The following NTRK3 variants were observed in gnomAD, a reference collection of about 807,000 sequenced individuals.
NTRK3 encodes neurotrophic receptor tyrosine kinase 3.
In NTRK3, 24 loss-of-function variants were observed where a neutral mutation model predicts 91.7. The observed-to-expected ratio is 0.26, with a 90% CI of 0.19 to 0.37. The LOEUF is 0.37. NTRK3 is among the 10% of genes least tolerant of loss of function. The pLI, the probability that NTRK3 is intolerant of heterozygous loss-of-function variation, is 1.00. For synonymous variants in NTRK3, 483 were observed against 404.0 expected (o/e 1.20, Z -2.34); for missense variants, 880 against 1,068.9 (o/e 0.82, Z 2.46).
intron 6 of NTRK3, among the ~76,000 whole-genome samples, chr15:88,140,793 G>A (rs554768560): frequency 6.6e-6 from 1 of 152,008 alleles, no homozygotes; most frequent in Non-Finnish European, 1.5e-5. Flanking sequence ...AGGTCTTAGG[G>A]CCCCCCCAGG....
intron 5 of NTRK3, among the ~76,000 whole-genome samples, chr15:88,158,993 A>G (rs1218005435): frequency 6.6e-6 from 1 of 152,202 alleles, no homozygotes; most frequent in African/African-American, 2.4e-5. Flanking sequence ...GGAGAAGGGA[A>G]CAGAGGTACA....
intron 3 of NTRK3, among the ~76,000 whole-genome samples, chr15:88,189,962 G>A (rs2047255674): frequency 6.6e-6 from 1 of 152,102 alleles, no homozygotes; most frequent in Non-Finnish European, 1.5e-5. Context: ...GCAGAAAATT[G>A]TAGAACACAA....
intron 14 of NTRK3, among the ~76,000 whole-genome samples, chr15:87,973,407 T>C (rs916623836): frequency 6.6e-6 from 1 of 152,170 alleles, no homozygotes; most frequent in African/African-American, 2.4e-5. Flanking sequence ...AAGGGACTTA[T>C]CTCTTGCCAG....
At chr15:88,211,198 C>A (rs1185093048) in intron 3 of NTRK3, among the ~76,000 whole-genome samples, 2 of 152,198 alleles carry the variant, frequency 1.3e-5, no homozygotes, top group Admixed American at 6.5e-5. Flanking sequence ...TTCCCTTTCC[C>A]CAGTCCCTGG....
chr15:88,079,597 A>G (rs148921664), intron 13 of NTRK3, among the ~76,000 whole-genome samples: 12 of 152,334 alleles, frequency 7.9e-5, no homozygotes, highest in African/African-American at 2.9e-4. Context: ...TTCTAGAACA[A>G]AACCCTAAAG....
rs563158352 is a variant in NTRK3 at position 87,925,943 on chromosome 15, G to T, written c.2133+3248C>A. ...GACTAGTAAGATAATATAAACAGGA[G>T]TTTATCCAGTAAGTATTGTACTACA... On this transcript the variant is annotated intron_variant, in intron 17 of 18. Coordinates refer to ENST00000394480, the Ensembl canonical transcript of NTRK3. 2.6e-5 allele frequency among the ~76,000 whole-genome samples: 4 copies of T among 152,322 alleles called. No homozygotes were observed. The East Asian group carries it at 7.7e-4, about 29-fold the overall frequency.
intron 13 of NTRK3, among the ~76,000 whole-genome samples, chr15:88,099,885 A>G (rs974824605): frequency 4.6e-5 from 7 of 152,194 alleles, no homozygotes; most frequent in African/African-American, 1.2e-4. Context: ...CCCCACACAC[A>G]TCTACTGAAA....
intron 13 of NTRK3, among the ~76,000 whole-genome samples, chr15:88,045,530 G>A (rs879869800): frequency 5.9e-5 from 9 of 152,194 alleles, no homozygotes; most frequent in Admixed American, 4.6e-4. Flanking sequence ...CCAGACACTG[G>A]TAGGCATTGC....
chr15:87,893,342 G>A (rs973836863), intron 17 of NTRK3, among the ~76,000 whole-genome samples: 3 of 152,126 alleles, frequency 2.0e-5, no homozygotes, highest in Admixed American at 1.3e-4. Context: ...CTCACACTTT[G>A]CCCCACTCCT....
chr15:88,197,780 A>C (rs1231982840), intron 3 of NTRK3, among the ~76,000 whole-genome samples: 1 of 152,170 alleles, frequency 6.6e-6, no homozygotes, highest in African/African-American at 2.4e-5. Flanking sequence ...TACTCCAGGG[A>C]GGTGTGCTTA....
chr15:88,053,316 G>C lies in NTRK3; in HGVS notation c.1397-20271C>G, dbSNP rs142822168. 8.4e-4 allele frequency among the ~76,000 whole-genome samples: 128 copies of C among 152,338 alleles called. 1 individual carries two copies. The highest frequency in any genetic ancestry group is 2.8e-3 in the African/African-American group (117 of 41,580). On this transcript the variant is annotated intron_variant, in intron 13 of 18. Transcript: ENST00000394480. ...AAAGGGCCTGTCCCACAGTCAGTGT[G>C]TGGAGGCTCCACTTAATAGCCAAGG...
At chr15:88,027,871 T>C (rs2078174738) in intron 14 of NTRK3, among the ~76,000 whole-genome samples, 1 of 152,216 alleles carries the variant, frequency 6.6e-6, no homozygotes, top group Admixed American at 6.5e-5. Context: ...ACCTATGATT[T>C]GGCTCAAAGT....
At chr15:88,127,042 CAT>C (rs2053361822) in intron 12 of NTRK3, 118 bp downstream of exon 12, 1 of 886,300 alleles carries the variant, frequency 1.1e-6, no homozygotes, top group East Asian at 2.6e-5. Context: ...TAGTTCAATT[CAT>C]TACTTTTTTT....
chr15:88,023,925 A>G (rs2077802550), intron 14 of NTRK3, among the ~76,000 whole-genome samples: 1 of 152,088 alleles, frequency 6.6e-6, no homozygotes, highest in Non-Finnish European at 1.5e-5. Flanking sequence ...AAAGGAGCCC[A>G]TTTTCCGTAT....
intron 14 of NTRK3, among the ~76,000 whole-genome samples, chr15:87,951,856 G>A (rs1201306574): frequency 6.6e-6 from 1 of 152,192 alleles, no homozygotes; most frequent in Non-Finnish European, 1.5e-5. Context: ...GCCGGGTGTG[G>A]TGGCTCACAC....
At chr15:88,094,232 T>C (rs541973430) in intron 13 of NTRK3, among the ~76,000 whole-genome samples, 18 of 152,054 alleles carry the variant, frequency 1.2e-4, no homozygotes, top group South Asian at 4.2e-4. Context: ...TTTGGGAGGC[T>C]GAGGCGGGTG....
chr15:88,203,871 T>A (rs747728585), intron 3 of NTRK3, among the ~76,000 whole-genome samples: 1 of 152,230 alleles, frequency 6.6e-6, no homozygotes, highest in Non-Finnish European at 1.5e-5. Context: ...AAGATAATTT[T>A]TTTAAATGTT....
chr15:87,980,477 GTA>G (rs900627656), intron 14 of NTRK3, among the ~76,000 whole-genome samples: 12 of 152,106 alleles, frequency 7.9e-5, no homozygotes, highest in Non-Finnish European at 1.5e-4. Flanking sequence ...GTGGATGTGT[GTA>G]TGTGTTTCCA....
In NTRK3 at chr15:87,863,321, A is replaced by G. The variant is rs112951084; in HGVS notation, c.*13614T>C. On this transcript the variant is annotated 3_prime_UTR_variant, in exon 19 of 19. Coordinates refer to ENST00000394480, the Ensembl canonical transcript of NTRK3. ...GGAAAACAAAACAACTGCCCTTCCT[A>G]GTCTGGGAGGTCAATCAGGATAGCG... 1,253 of 226,580 alleles carry G rather than the reference A, an allele frequency of 5.5e-3. 14 individuals are homozygous for G. The highest frequency in any genetic ancestry group is 0.019 in the African/African-American group (847 of 45,068). The allele number at this position is 226,580 out of a possible 1,614,324, so 14.0% of individuals were successfully genotyped here. A position where few individuals can be genotyped will look rare whatever the true frequency, so the allele number is the denominator to read the frequency against.
Sources: allele counts gnomAD v4.1 joint callset (sites outside exome capture counted in the v4.1 genomes callset), GRCh38; gene constraint gnomAD v4.1.1; transcripts MANE v1.5; gene names NCBI Gene and HGNC (gene_info 2026-07-23, HGNC 2026-07-21).